WNK2: variants seen among roughly 807,000 people sequenced by gnomAD.
WNK2 encodes the protein WNK lysine deficient protein kinase 2, also known as serine/threonine-protein kinase WNK2.
Under a neutral mutation model 192.1 loss-of-function variants are expected in WNK2, and 67 were observed. That is an observed-to-expected ratio of 0.35 (90% CI 0.29 to 0.43). The LOEUF (loss-of-function observed/expected upper bound fraction) is 0.43. Ranked by LOEUF, WNK2 falls within the 20% of genes least tolerant of loss-of-function variation. The pLI is 1.00. For missense variants in WNK2, 2,698 were observed against 3,089.7 expected (o/e 0.87, Z 3.01); for synonymous variants, 1,439 against 1,393.9 (o/e 1.03, Z -0.72).
Position 93,239,546 on chromosome 9 carries a change from G to A in WNK2, c.1323-211G>A, listed in dbSNP as rs1014861346. ...CATGTTTTTTTTTTTTATAATGAGG[G>A]GGAATAAAGGAAGTCTTAAAACACT... is the stretch of plus-strand genomic sequence containing the variant. On this transcript the variant is annotated intron_variant, in intron 6 of 29. Transcript: ENST00000427277. The surrounding 1 kb of genome is among the most constrained non-coding windows in gnomAD (Gnocchi z 4.2). Among the ~76,000 whole-genome samples, 12 of 151,968 alleles carry A rather than the reference G, an allele frequency of 7.9e-5. No individual in the cohort carries two copies. Among genetic ancestry groups the A allele is most frequent in the African/African-American group, 2.9e-4 (12 of 41,386 alleles).
intron 2 of WNK2, among the ~76,000 whole-genome samples, chr9:93,210,742 C>T (rs571598432): frequency 4.9e-4 from 74 of 152,250 alleles, no homozygotes; most frequent in African/African-American, 5.8e-4. Flanking sequence ...TGGTTTCTCC[C>T]GCTTCAGGGT....
At chr9:93,319,562 C>T (rs1855252890) in intron 29 of WNK2, among the ~76,000 whole-genome samples, 1 of 152,254 alleles carries the variant, frequency 6.6e-6, no homozygotes, top group South Asian at 2.1e-4. Flanking sequence ...GAGCCAGCCT[C>T]CTGGTCAGCG....
At chr9:93,298,120 T>G in intron 24 of WNK2, 53 bp downstream of exon 24, 1 of 1,534,930 alleles carries the variant, frequency 6.5e-7, no homozygotes, top group South Asian at 1.2e-5. Context: ...GACCCCCGAG[T>G]GAGCCTGGGA....
At chr9:93,295,947 T>C (rs1850258057) in intron 23 of WNK2, among the ~76,000 whole-genome samples, 1 of 119,918 alleles carries the variant, frequency 8.3e-6, no homozygotes. Context: ...CACCCTCAAC[T>C]CACTTTCCTC....
intron 5 of WNK2, among the ~76,000 whole-genome samples, chr9:93,235,310 T>C (rs542370371): frequency 4.8e-4 from 73 of 152,320 alleles, no homozygotes; most frequent in African/African-American, 1.7e-3. Context: ...CCTGGAGGCG[T>C]GCCTAGGCCA....
intron 19 of WNK2, among the ~76,000 whole-genome samples, chr9:93,284,116 A>G (rs915199491): frequency 5.9e-5 from 9 of 152,230 alleles, no homozygotes; most frequent in African/African-American, 2.2e-4. Flanking sequence ...GAAAAGTTTC[A>G]GCTTGATGGC....
intron 19 of WNK2, among the ~76,000 whole-genome samples, chr9:93,274,515 C>CA (rs67350876): frequency 0.038 from 4,385 of 116,824 alleles, 170 homozygotes; most frequent in African/African-American, 0.14. Flanking sequence ...CCGTCTCAAC[C>CA]AAAAAAAAAA....
intron 27 of WNK2, 39 bp downstream of exon 27, chr9:93,306,860 C>CG (rs766377530): frequency 1.9e-6 from 3 of 1,613,426 alleles, no homozygotes; most frequent in Non-Finnish European, 2.5e-6. Context: ...CCTCTCTCAT[C>CG]GCATGGGCTT....
At chr9:93,315,811 G>T (rs1316129100) in intron 28 of WNK2, 2 of 150,690 alleles carry the variant, frequency 1.3e-5, no homozygotes, top group East Asian at 3.9e-4. Flanking sequence ...GTGTGTGTGT[G>T]TGTGTGTGTG....
At chr9:93,317,962 C>T (rs1855035301) in intron 29 of WNK2, 1 of 1,612,380 alleles carries the variant, frequency 6.2e-7, no homozygotes, top group South Asian at 1.1e-5. Context: ...CACTCAGCCG[C>T]GAGGGGGACA....
chr9:93,216,011 C>A (rs1007194193), intron 2 of WNK2, among the ~76,000 whole-genome samples: 4 of 152,182 alleles, frequency 2.6e-5, no homozygotes, highest in African/African-American at 9.7e-5. Context: ...ATATTAACCC[C>A]GTCTGGAATT....
chr9:93,259,481 C>T lies in WNK2; in HGVS notation c.2933C>T (p.Pro978Leu). ...CCGCAACCCACACGGCCCCCTCAAC[C>T]TGTGCTGCCCCCGCAACCCATGCTG... ...LPPQPTRPPQPVLPPQPMLPP... is the reference protein window; with the variant it reads ...LPPQPTRPPQLVLPPQPMLPP... Residue 978 changes from proline to leucine, a missense_variant, in exon 12 of 30, where the codon CCT becomes CTT. Pro to Leu is a moderately conservative substitution (Grantham distance 98). This residue lies in a region of WNK2 where 893 missense variants were observed against 909.0 expected (regional missense o/e 0.98). Transcript: ENST00000427277. This position sits in a 1 kb window ranked among gnomAD's most constrained non-coding sequence, Gnocchi z 4.8. The T allele has an allele frequency of 6.6e-7, 1 of 1,506,546 alleles. No individual in the cohort carries two copies. The highest frequency in any genetic ancestry group is 8.8e-7 in the Non-Finnish European group (1 of 1,135,374). The allele number at this position is 1,506,546 out of a possible 1,614,324, so 93.3% of individuals were successfully genotyped here. A position where few individuals can be genotyped will look rare whatever the true frequency, so the allele number is the denominator to read the frequency against.
chr9:93,200,814 G>T (rs558069748), intron 2 of WNK2, among the ~76,000 whole-genome samples: 20 of 152,166 alleles, frequency 1.3e-4, no homozygotes, highest in Non-Finnish European at 2.6e-4. Context: ...AGGCATGAAA[G>T]TGAATAAACT....
At position 93,292,685 on chromosome 9, in the gene WNK2, A is replaced by G. The variant is rs777067501; in HGVS notation, c.5220A>G (p.Ser1740=). The change falls in exon 23 of 30, where the codon TCA becomes TCG. Residue 1740 remains serine, a synonymous_variant. Transcript: ENST00000427277. The part of the protein sequence containing the change: ...RKRPEQQDVS[S]PAKTVGRFSV... ...GTCCAGAGCAGCAGGATGTCAGCTC[A>G]CCAGCCAAGACTGTGGGCCGTTTCT... 3 of 1,569,008 alleles carry G rather than the reference A, an allele frequency of 1.9e-6. 1 individual carries two copies. The South Asian group carries it at 3.5e-5, about 18-fold the overall frequency.
rs543210406 is a variant in WNK2, at chr9:93,289,802, C to T, written c.4867-176C>T. ...CATGCATGTTTTGCAACAAGTGACCCCTGTTTGGGGTCATGCTTGTGCAGC... is the reference window on the plus strand; with the variant it reads ...CATGCATGTTTTGCAACAAGTGACCTCTGTTTGGGGTCATGCTTGTGCAGC... On this transcript the variant is annotated intron_variant, in intron 20 of 29. Transcript: ENST00000427277. 2.6e-5 allele frequency among the ~76,000 whole-genome samples: 4 copies of T among 152,366 alleles called. 1 individual carries two copies. The highest frequency in any genetic ancestry group is 2.6e-4 in the Admixed American group (4 of 15,308).
chr9:93,265,942 A>C (rs1401371925), intron 16 of WNK2, among the ~76,000 whole-genome samples: 1 of 152,074 alleles, frequency 6.6e-6, no homozygotes, highest in African/African-American at 2.4e-5. Context: ...GCATCTTCTC[A>C]GCCTTGTTTT....
intron 2 of WNK2, among the ~76,000 whole-genome samples, chr9:93,191,434 G>A (rs1031782266): frequency 1.3e-5 from 2 of 152,056 alleles, no homozygotes; most frequent in Non-Finnish European, 2.9e-5. Context: ...ACAGGTCACC[G>A]CCCTGGGAGA....
In WNK2 at chr9:93,257,041, T is replaced by A; in HGVS notation, c.2284T>A (p.Tyr762Asn). The part of the protein sequence containing the change: ...LQPVPPHLPP[Y>N]LAPASQVGAP... ...GCCGGTTCCCCCCCACCTGCCACCG[T>A]ACCTGGCTCCAGCCTCCCAGGTGGG... is the stretch of plus-strand genomic sequence containing the variant. Residue 762 changes from tyrosine to asparagine, a missense_variant, in exon 11 of 30, where the codon TAC becomes AAC. Around this residue, in one of 7 missense-constraint regions of WNK2, gnomAD observed 893 missense variants for 909.0 expected, o/e 0.98. Coordinates refer to ENST00000427277, the MANE Select transcript of WNK2 (RefSeq NM_006648.4). This position sits in a 1 kb window ranked among gnomAD's most constrained non-coding sequence, Gnocchi z 4.7. 1 of 1,604,606 alleles carries A rather than the reference T, an allele frequency of 6.2e-7. No homozygotes were observed. The highest frequency in any genetic ancestry group is 1.1e-5 in the South Asian group (1 of 90,484).
intron 2 of WNK2, among the ~76,000 whole-genome samples, chr9:93,197,574 T>C (rs951677848): frequency 6.6e-6 from 1 of 152,188 alleles, no homozygotes; most frequent in African/African-American, 2.4e-5. Context: ...TCTCCTAGAC[T>C]GGAGTGCAGT....
Sources: allele counts gnomAD v4.1 joint callset (sites outside exome capture counted in the v4.1 genomes callset), GRCh38; gene constraint gnomAD v4.1.1; regional missense constraint gnomAD v4.1.1; non-coding constraint Gnocchi (gnomAD v3.1); transcripts MANE v1.5; gene names NCBI Gene and HGNC (gene_info 2026-07-23, HGNC 2026-07-21).